Variants in AGBL4 observed in about 807,000 individuals in gnomAD.
The protein encoded by AGBL4 is cytosolic carboxypeptidase 6.
A neutral mutation model predicts 66.4 loss-of-function variants in AGBL4; 58 were observed. The observed-to-expected ratio is 0.87, with a 90% confidence interval of 0.71 to 1.09. The LOEUF (loss-of-function observed/expected upper bound fraction) is 1.09, where lower values mean the gene tolerates loss of function less well. Ranked by LOEUF, AGBL4 falls within the 50% of genes least tolerant of loss-of-function variation. AGBL4 has a pLI of 0.00. For missense variants in AGBL4, 579 were observed against 631.0 expected, an observed-to-expected ratio of 0.92 and a Z score of 0.88; for synonymous variants, 234 against 222.9, an observed-to-expected ratio of 1.05 and a Z score of -0.44.
chr1:48,973,073 C>T (rs1037735055), intron 5 of AGBL4, among the ~76,000 whole-genome samples: 1 of 152,070 alleles, frequency 6.6e-6, no homozygotes, highest in Non-Finnish European at 1.5e-5. Context: ...TCAGGAAATA[C>T]GTAAACAGAA....
At chr1:49,766,807 GACTT>G (rs1652763721) in intron 2 of AGBL4, among the ~76,000 whole-genome samples, 1 of 151,870 alleles carries the variant, frequency 6.6e-6, no homozygotes, top group South Asian at 2.1e-4. Flanking sequence ...AAATAAAATA[GACTT>G]TAAACTAAAA....
intron 2 of AGBL4, among the ~76,000 whole-genome samples, chr1:49,842,733 G>C (rs1453298913): frequency 6.6e-6 from 1 of 152,120 alleles, no homozygotes; most frequent in East Asian, 1.9e-4. Context: ...ACTAGGATGG[G>C]GGTGAGGAGA....
intron 3 of AGBL4, among the ~76,000 whole-genome samples, chr1:49,471,004 G>C (rs553211560): frequency 1.3e-5 from 2 of 151,974 alleles, no homozygotes; most frequent in African/African-American, 4.8e-5. Context: ...CCTTAGTTAA[G>C]ATTTTAGCTT....
rs190332141 is a variant in AGBL4, at chr1:48,542,761, G to A, written c.1268-3023C>T. 3.9e-5 allele frequency among the ~76,000 whole-genome samples: 6 copies of A among 152,016 alleles called. No homozygotes were observed. The East Asian group carries it at 1.2e-3, about 30-fold the overall frequency. ...TAGCCCTTTGTCAGATGGAGAGATT[G>A]CAAAAATTTTCTTCCATTCTGTAGC... On this transcript the variant is annotated intron_variant, in intron 11 of 13. Transcript: ENST00000371839.
chr1:49,881,966 C>T (rs559200863), intron 1 of AGBL4, among the ~76,000 whole-genome samples: 1 of 152,200 alleles, frequency 6.6e-6, no homozygotes, highest in East Asian at 1.9e-4. Flanking sequence ...CTTGCCTGTG[C>T]CTATGTCCTG....
intron 3 of AGBL4, among the ~76,000 whole-genome samples, chr1:49,498,815 T>G (rs148777791): frequency 4.6e-5 from 7 of 152,174 alleles, no homozygotes; most frequent in African/African-American, 1.7e-4. Context: ...TTTCTTCAAC[T>G]ACTATCCTTC....
At chr1:49,583,750 A>G (rs1558075049) in intron 3 of AGBL4, among the ~76,000 whole-genome samples, 1 of 152,188 alleles carries the variant, frequency 6.6e-6, no homozygotes, top group African/African-American at 2.4e-5. Flanking sequence ...AATTTTTCCT[A>G]TTTAAAGTGG....
intron 1 of AGBL4, among the ~76,000 whole-genome samples, chr1:50,002,434 A>G (rs901852379): frequency 1.3e-4 from 18 of 134,348 alleles, no homozygotes; most frequent in Admixed American, 9.5e-4. Flanking sequence ...CAGTGGCGCG[A>G]TCTCGGCTCA....
rs562504611 is a variant in AGBL4, at chr1:49,129,793, T to C, written c.378-83993A>G. Among the ~76,000 whole-genome samples, 39 of 152,272 alleles carry C rather than the reference T, an allele frequency of 2.6e-4. No individual in the cohort carries two copies. The East Asian group carries it at 7.1e-3, about 28-fold the overall frequency. On this transcript the variant is annotated intron_variant, in intron 4 of 13. Coordinates refer to ENST00000371839, the MANE Select transcript of AGBL4 (RefSeq NM_032785.4). Reference sequence around the variant, plus strand: ...AAACATACGTGTGCATGTGTCTTTATAGCAGCATGATTTATAGTCCTTTGG... The same window carrying C: ...AAACATACGTGTGCATGTGTCTTTACAGCAGCATGATTTATAGTCCTTTGG...
At chr1:49,288,963 A>G (rs1391900373) in intron 3 of AGBL4, among the ~76,000 whole-genome samples, 1 of 152,056 alleles carries the variant, frequency 6.6e-6, no homozygotes, top group Non-Finnish European at 1.5e-5. Context: ...TGCATCAACT[A>G]AATTTACAGA....
At chr1:49,496,717 C>T (rs1647616226) in intron 3 of AGBL4, among the ~76,000 whole-genome samples, 1 of 151,958 alleles carries the variant, frequency 6.6e-6, no homozygotes, top group Non-Finnish European at 1.5e-5. Context: ...TTTTTTAAGG[C>T]TGAATAGTAT....
intron 1 of AGBL4, among the ~76,000 whole-genome samples, chr1:49,970,038 A>G (rs1398036620): frequency 6.6e-6 from 1 of 152,206 alleles, no homozygotes; most frequent in African/African-American, 2.4e-5. Context: ...AGAAAATTGG[A>G]TATCCACATG....
At chr1:49,777,996 C>T (rs141312641) in intron 2 of AGBL4, among the ~76,000 whole-genome samples, 1 of 152,272 alleles carries the variant, frequency 6.6e-6, no homozygotes, top group Non-Finnish European at 1.5e-5. Context: ...GTCTCTCTCC[C>T]CAGCTCTCAT....
intron 9 of AGBL4, among the ~76,000 whole-genome samples, chr1:48,601,147 G>A (rs1416644792): frequency 2.0e-5 from 3 of 152,214 alleles, no homozygotes; most frequent in Non-Finnish European, 4.4e-5. Context: ...GTACTCATGA[G>A]AGTAGTGTGG....
chr1:49,322,660 AG>A (rs1462235612), intron 3 of AGBL4, among the ~76,000 whole-genome samples: 1 of 152,214 alleles, frequency 6.6e-6, no homozygotes, highest in Non-Finnish European at 1.5e-5. Flanking sequence ...AAAGAAGTTA[AG>A]GAATGCTTGG....
At chr1:49,066,281 C>T (rs922848259) in intron 4 of AGBL4, among the ~76,000 whole-genome samples, 5 of 152,158 alleles carry the variant, frequency 3.3e-5, no homozygotes, top group African/African-American at 7.2e-5. Context: ...TGGCTGGGCA[C>T]GGTGGCTCAT....
intron 3 of AGBL4, among the ~76,000 whole-genome samples, chr1:49,523,730 A>T (rs762231873): frequency 2.0e-5 from 3 of 152,114 alleles, no homozygotes; most frequent in Non-Finnish European, 4.4e-5. Flanking sequence ...TTAATGAATA[A>T]ATCAATTAGA....
At chr1:49,977,261 C>T (rs752326510) in intron 1 of AGBL4, among the ~76,000 whole-genome samples, 1 of 151,312 alleles carries the variant, frequency 6.6e-6, no homozygotes, top group Non-Finnish European at 1.5e-5. Context: ...CTTCCAGAGG[C>T]TTCACCTCCC....
At chr1:48,558,455 T>C (rs1229913965) in intron 11 of AGBL4, among the ~76,000 whole-genome samples, 2 of 152,210 alleles carry the variant, frequency 1.3e-5, no homozygotes, top group Non-Finnish European at 2.9e-5. Flanking sequence ...CTGACTCCAC[T>C]CAGACTGTGG....
Sources: allele counts gnomAD v4.1 joint callset (sites outside exome capture counted in the v4.1 genomes callset), GRCh38; gene constraint gnomAD v4.1.1; transcripts MANE v1.5; gene names NCBI Gene and HGNC (gene_info 2026-07-23, HGNC 2026-07-21).